SLCO1B3: variants seen among roughly 807,000 people sequenced by gnomAD.
SLCO1B3 encodes liver-specific organic anion transporter 2.
A neutral mutation model predicts 71.8 loss-of-function variants in SLCO1B3; 72 were observed. The observed-to-expected ratio is 1.00, with a 90% confidence interval of 0.83 to 1.22. The LOEUF is 1.22. Among genes scored for constraint, SLCO1B3 ranks in the 50% most tolerant of loss-of-function variants. The pLI is 0.00. For missense variants in SLCO1B3, 911 were observed against 819.7 expected, an observed-to-expected ratio of 1.11 and a Z score of -1.36; for synonymous variants, 298 against 278.4, an observed-to-expected ratio of 1.07 and a Z score of -0.70.
At chr12:20,821,126 G>A (rs1477708520) in intron 3 of SLCO1B3, among the ~76,000 whole-genome samples, 2 of 152,072 alleles carry the variant, frequency 1.3e-5, no homozygotes, top group Non-Finnish European at 2.9e-5. Context: ...TGGGCCTGAG[G>A]GGACAGGCGG....
At chr12:20,811,383 C>T (rs2121055820) in intron 1 of SLCO1B3, among the ~76,000 whole-genome samples, 1 of 152,282 alleles carries the variant, frequency 6.6e-6, no homozygotes, top group Non-Finnish European at 1.5e-5. Flanking sequence ...CCCCTTCACC[C>T]ATTCAGGAAG....
intron 3 of SLCO1B3, among the ~76,000 whole-genome samples, chr12:20,819,432 T>G (rs1565576308): frequency 6.6e-6 from 1 of 152,042 alleles, no homozygotes; most frequent in East Asian, 1.9e-4. Flanking sequence ...TCAGGGTCAG[T>G]CCAAGTGAAA....
In SLCO1B3 at chr12:20,856,605, A is replaced by G. The variant is rs368485132; in HGVS notation, c.226+1436A>G. 5.9e-5 allele frequency among the ~76,000 whole-genome samples: 9 copies of G among 152,252 alleles called. No individual in the cohort carries two copies. The East Asian group carries it at 1.5e-3, about 26-fold the overall frequency. On this transcript the variant is annotated intron_variant, in intron 4 of 15. Transcript: ENST00000381545. ...AAGGCAGAGTCTCCCTCTGTCGCCC[A>G]TGCTCGTGCAGTGCCCTGATGTCAT...
At chr12:20,903,576 GGAGAGAGA>G (rs1391065088) in intron 15 of SLCO1B3, among the ~76,000 whole-genome samples, 4 of 151,990 alleles carry the variant, frequency 2.6e-5, no homozygotes, top group African/African-American at 9.7e-5. Context: ...CCTAGTGACA[GGAGAGAGA>G]GAGGGAGAGA....
In SLCO1B3 at chr12:20,901,382, C is replaced by G; in HGVS notation, c.1780C>G (p.Leu594Val). The G allele has an allele frequency of 6.3e-7, 1 of 1,590,348 alleles. No individual in the cohort carries two copies. The highest frequency in any genetic ancestry group is 1.8e-5 in the Admixed American group (1 of 56,000). ...TCTAGCTCCAATATATTTTGGGGCT[C>G]TGATTGATAAAACATGTATGAAGTG... ...GILAPIYFGA[L>V]IDKTCMKWST... The change falls in exon 15 of 16, where the codon CTG becomes GTG. Residue 594 changes from leucine to valine, a missense_variant. Transcript: ENST00000381545.
intron 3 of SLCO1B3, among the ~76,000 whole-genome samples, chr12:20,834,137 CAT>C (rs1422652942): frequency 4.6e-4 from 63 of 136,234 alleles, no homozygotes; most frequent in African/African-American, 1.0e-3. Flanking sequence ...CATACATACA[CAT>C]ATAAAATATA....
intron 3 of SLCO1B3, among the ~76,000 whole-genome samples, chr12:20,851,593 C>T (rs1865025876): frequency 6.6e-6 from 1 of 152,050 alleles, no homozygotes; most frequent in African/African-American, 2.4e-5. Flanking sequence ...ATGGGATTTG[C>T]AATTATTTTC....
intron 3 of SLCO1B3, among the ~76,000 whole-genome samples, chr12:20,816,343 C>T (rs1182119233): frequency 6.6e-6 from 1 of 151,910 alleles, no homozygotes; most frequent in Non-Finnish European, 1.5e-5. Flanking sequence ...ATCTTCCTAC[C>T]CCCACACCCC....
At chr12:20,835,803 C>G (rs1463612455) in intron 3 of SLCO1B3, among the ~76,000 whole-genome samples, 1 of 152,180 alleles carries the variant, frequency 6.6e-6, no homozygotes, top group African/African-American at 2.4e-5. Flanking sequence ...CCAAACTGTT[C>G]CAACTTCTGC....
chr12:20,902,185 A>G (rs1866144790), intron 15 of SLCO1B3: 1 of 189,272 alleles, frequency 5.3e-6, no homozygotes, highest in South Asian at 8.1e-5. Flanking sequence ...TATATACCCA[A>G]TAATAGGACT....
intron 13 of SLCO1B3, among the ~76,000 whole-genome samples, chr12:20,890,893 GA>G (rs1403506095): frequency 6.6e-6 from 1 of 152,046 alleles, no homozygotes; most frequent in African/African-American, 2.4e-5. Context: ...GTTTGAGTCT[GA>G]AAAGGTCTTT....
At chr12:20,870,603 C>T (rs1591771963) in intron 8 of SLCO1B3, among the ~76,000 whole-genome samples, 1 of 152,134 alleles carries the variant, frequency 6.6e-6, no homozygotes, top group East Asian at 1.9e-4. Context: ...ATTTCACTAT[C>T]GTGGTCCCTT....
chr12:20,825,378 G>A (rs1237465630), intron 3 of SLCO1B3, among the ~76,000 whole-genome samples: 1 of 152,158 alleles, frequency 6.6e-6, no homozygotes, highest in Non-Finnish European at 1.5e-5. Context: ...TGTGTCTCAT[G>A]AATGCAGTTT....
rs1864179042 is a variant in SLCO1B3, at chr12:20,815,664, T to C, written c.-65-10T>C. 1.0e-5 allele frequency: 10 copies of C among 970,334 alleles called. No individual in the cohort carries two copies. The highest frequency in any genetic ancestry group is 1.6e-5 in the Non-Finnish European group (10 of 626,590). 60.1% of individuals were successfully genotyped at this position (970,334 alleles called of 1,614,324 possible). On this transcript the variant is annotated splice_polypyrimidine_tract_variant and intron_variant, in intron 2 of 15. Transcript: ENST00000381545. Reference sequence around the variant, plus strand: ...AAGTAAAATAAATTATACTTTTTCTTTTTTAACAGGTGATCATTTCAAACC... The same window carrying C: ...AAGTAAAATAAATTATACTTTTTCTCTTTTAACAGGTGATCATTTCAAACC...
chr12:20,839,222 A>T (rs1026415816), intron 3 of SLCO1B3, among the ~76,000 whole-genome samples: 2 of 151,866 alleles, frequency 1.3e-5, no homozygotes, highest in Admixed American at 6.6e-5. Flanking sequence ...ATTAAAAAAA[A>T]CTTTTTAATT....
At chr12:20,849,827 AATAT>A (rs1864989123) in intron 3 of SLCO1B3, among the ~76,000 whole-genome samples, 1 of 152,156 alleles carries the variant, frequency 6.6e-6, no homozygotes, top group Admixed American at 6.5e-5. Context: ...GCATCTCAAA[AATAT>A]ATATAGGAAC....
chr12:20,865,748 A>C (rs1414673551), intron 8 of SLCO1B3, among the ~76,000 whole-genome samples: 1 of 152,140 alleles, frequency 6.6e-6, no homozygotes, highest in African/African-American at 2.4e-5. Context: ...ATTATTTTAT[A>C]ATTTACTACA....
chr12:20,822,163 C>G (rs988272231), intron 3 of SLCO1B3, among the ~76,000 whole-genome samples: 2 of 152,244 alleles, frequency 1.3e-5, no homozygotes, highest in Non-Finnish European at 2.9e-5. Flanking sequence ...GGAGGTCCCC[C>G]GATCCAAGTC....
intron 15 of SLCO1B3, among the ~76,000 whole-genome samples, chr12:20,906,989 C>T (rs1866259175): frequency 6.6e-6 from 1 of 151,914 alleles, no homozygotes; most frequent in Non-Finnish European, 1.5e-5. Flanking sequence ...TAATAATGTG[C>T]ATGCAGGCAA....
Sources: gnomAD v4.1 joint callset for allele counts (sites outside exome capture counted in the v4.1 genomes callset) on GRCh38, gnomAD v4.1.1 for gene constraint, MANE v1.5 for transcripts, NCBI Gene and HGNC (gene_info 2026-07-23, HGNC 2026-07-21) for gene names.